Variants in NAA15 observed in about 807,000 individuals in gnomAD.
NAA15 encodes the protein N-terminal acetyltransferase.
A neutral mutation model predicts 114.0 loss-of-function variants in NAA15; 34 were observed. That is an observed-to-expected ratio of 0.30 (90% CI 0.23 to 0.40). The LOEUF (loss-of-function observed/expected upper bound fraction) is 0.40. Among genes scored for constraint, NAA15 ranks in the 10% least tolerant of loss-of-function variants. The pLI is 1.00. For missense variants in NAA15, 658 were observed against 1,004.5 expected (o/e 0.66, Z 4.66); for synonymous variants, 340 against 338.0 (o/e 1.01, Z -0.06).
At chr4:139,342,566 C>T (rs1747445286) in intron 4 of NAA15, among the ~76,000 whole-genome samples, 1 of 151,166 alleles carries the variant, frequency 6.6e-6, no homozygotes, top group South Asian at 2.1e-4. Flanking sequence ...TCTCCCGCCT[C>T]AGCCTCCTGA....
At chr4:139,326,692 T>A (rs1393656036) in intron 1 of NAA15, among the ~76,000 whole-genome samples, 1 of 152,256 alleles carries the variant, frequency 6.6e-6, no homozygotes. Flanking sequence ...GATGATACTT[T>A]ATCAATTCTA....
At chr4:139,385,311 T>A (rs1748883848) in intron 18 of NAA15, among the ~76,000 whole-genome samples, 2 of 97,398 alleles carry the variant, frequency 2.1e-5, no homozygotes, top group Non-Finnish European at 4.5e-5. Flanking sequence ...ATATATATTA[T>A]ATATATATGC....
chr4:139,302,622 C>T (rs188202207), intron 1 of NAA15: 1 of 151,938 alleles, frequency 6.6e-6, no homozygotes, highest in East Asian at 1.9e-4. Context: ...CGTTGCAGAC[C>T]TAGACTTTTC....
chr4:139,320,667 C>A (rs1460086496), intron 1 of NAA15, among the ~76,000 whole-genome samples: 1 of 152,164 alleles, frequency 6.6e-6, no homozygotes, highest in Non-Finnish European at 1.5e-5. Flanking sequence ...ACTACAGGCG[C>A]ATGCCACCAC....
At chr4:139,342,160 T>A (rs1747423955) in intron 4 of NAA15, among the ~76,000 whole-genome samples, 2 of 152,232 alleles carry the variant, frequency 1.3e-5, no homozygotes, top group Non-Finnish European at 2.9e-5. Context: ...ATGTTAACTC[T>A]GTAGTTGGAC....
intron 18 of NAA15, among the ~76,000 whole-genome samples, chr4:139,385,245 T>C (rs1212076305): frequency 7.6e-6 from 1 of 131,400 alleles, no homozygotes; most frequent in Non-Finnish European, 1.6e-5. Flanking sequence ...AATGATACCC[T>C]GTTTCAAATC....
At chr4:139,361,096 C>G (rs1045541867) in intron 13 of NAA15, among the ~76,000 whole-genome samples, 1 of 152,240 alleles carries the variant, frequency 6.6e-6, no homozygotes, top group South Asian at 2.1e-4. Context: ...TCACGTCTGA[C>G]TCATTTCCAT....
chr4:139,366,882 T>A (rs979921917), intron 14 of NAA15, among the ~76,000 whole-genome samples: 2 of 152,218 alleles, frequency 1.3e-5, no homozygotes, highest in African/African-American at 4.8e-5. Context: ...GTGCTGGGAT[T>A]ACAGGCATGA....
At chr4:139,337,024 G>C (rs1747221784) in intron 3 of NAA15, 72 bp downstream of exon 3, 4 of 860,574 alleles carry the variant, frequency 4.6e-6, no homozygotes, top group Non-Finnish European at 7.0e-6. Flanking sequence ...GAGAGTCAAA[G>C]TTTTAGATCT....
chr4:139,307,873 G>T (rs1266753955), intron 1 of NAA15, among the ~76,000 whole-genome samples: 2 of 152,002 alleles, frequency 1.3e-5, no homozygotes, highest in Admixed American at 1.3e-4. Context: ...TTAGGGGAGG[G>T]GTGTAGGAGG....
intron 1 of NAA15, among the ~76,000 whole-genome samples, chr4:139,324,996 A>G (rs1428956248): frequency 2.6e-5 from 4 of 152,242 alleles, no homozygotes; most frequent in Non-Finnish European, 5.9e-5. Context: ...CAATAAGGAC[A>G]TAGCTGAATT....
chr4:139,321,435 A>G (rs532387876), intron 1 of NAA15, among the ~76,000 whole-genome samples: 5 of 148,632 alleles, frequency 3.4e-5, no homozygotes, highest in African/African-American at 1.2e-4. Flanking sequence ...AAGCACTGGG[A>G]TTACAAACTT....
At chr4:139,335,917 A>G (rs1747186386) in intron 2 of NAA15, among the ~76,000 whole-genome samples, 1 of 150,580 alleles carries the variant, frequency 6.6e-6, no homozygotes, top group Admixed American at 6.6e-5. Context: ...CCCCCACCAC[A>G]CCTGGCTATT....
intron 15 of NAA15, among the ~76,000 whole-genome samples, chr4:139,373,931 C>T (rs904381593): frequency 1.3e-5 from 2 of 152,044 alleles, no homozygotes; most frequent in Non-Finnish European, 2.9e-5. Context: ...TCTTGAACTC[C>T]TGACTTGAAG....
At chr4:139,352,453 A>G (rs983208672) in intron 9 of NAA15, among the ~76,000 whole-genome samples, 2 of 151,930 alleles carry the variant, frequency 1.3e-5, no homozygotes, top group African/African-American at 4.8e-5. Context: ...GGTTATAAGT[A>G]CAGTGTCATC....
rs1270628305 is a variant in NAA15 at position 139,386,174 on chromosome 4, C to G, written c.2344C>G (p.Arg782Gly). Residue 782 changes from arginine (R) to glycine (G), a missense_variant, in exon 19 of 20, where the codon CGA (arginine) becomes GGA (glycine). Transcript: ENST00000296543. ...VYYLDPSSQK[R>G]AIELATTLDE... Reference sequence around the variant, plus strand: ...TTACTTAGATCCTTCTAGTCAGAAGCGAGCTATAGAGTTGGCAACAACACT... The same window carrying G: ...TTACTTAGATCCTTCTAGTCAGAAGGGAGCTATAGAGTTGGCAACAACACT... The G allele has an allele frequency of 1.2e-6, 2 of 1,610,196 alleles. No individual in the cohort carries two copies. The highest frequency in any genetic ancestry group is 3.4e-5 in the Admixed American group (2 of 59,584).
chr4:139,356,889 A>G (rs1348327952), intron 10 of NAA15, among the ~76,000 whole-genome samples: 1 of 151,204 alleles, frequency 6.6e-6, no homozygotes, highest in Non-Finnish European at 1.5e-5. Flanking sequence ...ATTAAAATAT[A>G]TTAAGAATAT....
At chr4:139,355,354 G>C (rs925953315) in intron 10 of NAA15, among the ~76,000 whole-genome samples, 2 of 151,384 alleles carry the variant, frequency 1.3e-5, no homozygotes, top group African/African-American at 4.9e-5. Context: ...TTATCTTTTG[G>C]GTTTCTGTCC....
At chr4:139,317,777 T>C (rs1746463224) in intron 1 of NAA15, among the ~76,000 whole-genome samples, 2 of 152,252 alleles carry the variant, frequency 1.3e-5, no homozygotes, top group Admixed American at 1.3e-4. Context: ...GTTATACTTC[T>C]GTTTTACCCC....
Sources: allele counts gnomAD v4.1 joint callset (sites outside exome capture counted in the v4.1 genomes callset), GRCh38; gene constraint gnomAD v4.1.1; transcripts MANE v1.5; gene names NCBI Gene and HGNC (gene_info 2026-07-23, HGNC 2026-07-21).